PAK4: variants seen among roughly 807,000 people sequenced by gnomAD.
The protein encoded by PAK4 is serine/threonine-protein kinase PAK 4.
Under a neutral mutation model 53.5 loss-of-function variants are expected in PAK4, and 49 were observed. That is an observed-to-expected ratio of 0.92 (90% CI 0.73 to 1.16). The LOEUF (loss-of-function observed/expected upper bound fraction) is 1.16, where lower values mean the gene tolerates loss of function less well. PAK4 is among the 50% of genes most tolerant of loss of function. The pLI, the probability that PAK4 is intolerant of heterozygous loss-of-function variation, is 0.00. For missense variants in PAK4, 824 were observed against 850.7 expected (o/e 0.97, Z 0.39); for synonymous variants, 376 against 375.6 (o/e 1.00, Z -0.01).
intron 1 of PAK4, among the ~76,000 whole-genome samples, chr19:39,126,637 G>C (rs2073588585): frequency 6.6e-6 from 1 of 152,168 alleles, no homozygotes; most frequent in African/African-American, 2.4e-5. Context: ...AAGAGGTTAA[G>C]TGATTTGCAC....
intron 1 of PAK4, among the ~76,000 whole-genome samples, chr19:39,130,081 G>C (rs1327947512): frequency 6.6e-6 from 1 of 151,272 alleles, no homozygotes. Flanking sequence ...GCGAGGGTCA[G>C]GGCGGGATGT....
exon 9 of PAK4, chr19:39,179,391 A>AT (rs2074676697): frequency 6.7e-6 from 1 of 148,452 alleles, no homozygotes; most frequent in Non-Finnish European, 1.5e-5. Context: ...CAATTAAAAC[A>AT]TTGTCTTGTT....
rs190702581 is a variant in PAK4, at chr19:39,173,749, C to T, written c.837C>T (p.Ala279=). Residue 279 remains alanine, a synonymous_variant, in exon 4 of 9, where the codon GCC becomes GCT. Transcript: ENST00000358301. The surrounding 1 kb of genome is among the most constrained non-coding windows in gnomAD (Gnocchi z 6.9). ...TGGCCCCTCCAGCCTGCACCCCCGCCGCCCCTGCTGTTCCTGGGCCCCCTG... is the reference window on the plus strand; with the variant it reads ...TGGCCCCTCCAGCCTGCACCCCCGCTGCCCCTGCTGTTCCTGGGCCCCCTG... 3.4e-4 allele frequency: 545 copies of T among 1,580,682 alleles called. 2 individuals carry two copies. The African/African-American group carries it at 5.7e-3, about 17-fold the overall frequency.
At chr19:39,147,248 T>G (rs1358764630) in intron 1 of PAK4, among the ~76,000 whole-genome samples, 4 of 152,214 alleles carry the variant, frequency 2.6e-5, no homozygotes, top group Non-Finnish European at 4.4e-5. Flanking sequence ...GAATGTTATG[T>G]AAATGGAGCC....
chr19:39,138,936 C>T (rs1030071908), intron 1 of PAK4, among the ~76,000 whole-genome samples: 6 of 152,158 alleles, frequency 3.9e-5, no homozygotes, highest in Non-Finnish European at 8.8e-5. Context: ...TACCCCAGCA[C>T]CCTCCAGTGG....
At chr19:39,144,137 CAGACAGATAGAT>C (rs1418237513) in intron 1 of PAK4, among the ~76,000 whole-genome samples, 50 of 109,456 alleles carry the variant, frequency 4.6e-4, no homozygotes, top group South Asian at 1.0e-3. Context: ...GACAGACAGA[CAGACAGATAGAT>C]AGATAGATAG....
At chr19:39,151,087 G>A (rs987179921) in intron 1 of PAK4, among the ~76,000 whole-genome samples, 7 of 152,222 alleles carry the variant, frequency 4.6e-5, no homozygotes, top group Admixed American at 4.6e-4. Flanking sequence ...GGACAGAGAG[G>A]TGGGCGCGAC....
At chr19:39,170,059 G>A (rs2074450094) in intron 2 of PAK4, among the ~76,000 whole-genome samples, 1 of 152,098 alleles carries the variant, frequency 6.6e-6, no homozygotes, top group Non-Finnish European at 1.5e-5. Context: ...GGGCCATGCT[G>A]CTGTACCCCG....
intron 1 of PAK4, 23 bp from the exon 3 acceptor site, chr19:39,169,509 C>A: frequency 6.5e-7 from 1 of 1,540,668 alleles, no homozygotes; most frequent in Non-Finnish European, 9.0e-7. Context: ...CTCTCACTCA[C>A]CCACCGTGAT....
intron 1 of PAK4, among the ~76,000 whole-genome samples, chr19:39,141,126 T>G (rs565223155): frequency 2.6e-5 from 4 of 152,296 alleles, no homozygotes; most frequent in African/African-American, 9.6e-5. Context: ...AAGAATAGTC[T>G]CGCGCCCTCC....
intron 1 of PAK4, among the ~76,000 whole-genome samples, chr19:39,153,207 C>A (rs28671016): frequency 6.6e-6 from 1 of 152,144 alleles, no homozygotes; most frequent in Non-Finnish European, 1.5e-5. Flanking sequence ...CAGCCTCCCC[C>A]AACCCCCAAA....
At chr19:39,166,009 A>G (rs769280630) in intron 1 of PAK4, among the ~76,000 whole-genome samples, 16 of 152,182 alleles carry the variant, frequency 1.1e-4, no homozygotes, top group Non-Finnish European at 2.1e-4. Context: ...GAGGGCTGGT[A>G]TACAGTAGGT....
At chr19:39,145,402 A>G (rs1039094729) in intron 1 of PAK4, among the ~76,000 whole-genome samples, 3 of 152,286 alleles carry the variant, frequency 2.0e-5, no homozygotes, top group Non-Finnish European at 2.9e-5. Context: ...GGGTGGAGTA[A>G]TGAAGCTCTG....
At chr19:39,132,535 G>A (rs1042137356) in intron 1 of PAK4, among the ~76,000 whole-genome samples, 16 of 152,230 alleles carry the variant, frequency 1.1e-4, no homozygotes, top group African/African-American at 3.1e-4. Flanking sequence ...CGTGTCCCAC[G>A]CACACGCGTG....
At chr19:39,159,014 T>G (rs1044460860) in intron 1 of PAK4, among the ~76,000 whole-genome samples, 2 of 152,212 alleles carry the variant, frequency 1.3e-5, no homozygotes, top group Non-Finnish European at 2.9e-5. Flanking sequence ...CACCAGTCAC[T>G]GTTGTAAATG....
At chr19:39,162,699 C>T (rs190224887) in intron 1 of PAK4, among the ~76,000 whole-genome samples, 2 of 152,318 alleles carry the variant, frequency 1.3e-5, no homozygotes, top group East Asian at 3.9e-4. Flanking sequence ...CATTGACTGC[C>T]TCCTTCCTTC....
intron 1 of PAK4, among the ~76,000 whole-genome samples, chr19:39,144,454 C>CG (rs1269173071): frequency 2.6e-5 from 4 of 152,194 alleles, no homozygotes; most frequent in Non-Finnish European, 5.9e-5. Flanking sequence ...CCGTCCCTGC[C>CG]GGGGGGATGC....
chr19:39,132,634 G>A (rs1400937396), intron 1 of PAK4, among the ~76,000 whole-genome samples: 1 of 152,276 alleles, frequency 6.6e-6, no homozygotes, highest in Non-Finnish European at 1.5e-5. Context: ...GCCCGCCTGA[G>A]TGTGGCTGTG....
rs965447983 is a variant in PAK4 at position 39,175,707 on chromosome 19, G to A, written c.1359+269G>A. On this transcript the variant is annotated intron_variant, in intron 6 of 8. Coordinates refer to ENST00000358301, the Ensembl canonical transcript of PAK4. This position sits in a 1 kb window ranked among gnomAD's most constrained non-coding sequence, Gnocchi z 4.7. Reference sequence around the variant, plus strand: ...AGGGGCAGGGATCTGGGCAGACAGCGCAGCCCCCGCCACAGGCTTCTTCCT... The same window carrying A: ...AGGGGCAGGGATCTGGGCAGACAGCACAGCCCCCGCCACAGGCTTCTTCCT... Among the ~76,000 whole-genome samples the A allele has an allele frequency of 6.6e-6, 1 of 152,050 alleles. No homozygotes were observed. Among genetic ancestry groups the A allele is most frequent in the South Asian group, 2.1e-4 (1 of 4,830 alleles).
Sources: gnomAD v4.1 joint callset for allele counts (sites outside exome capture counted in the v4.1 genomes callset) on GRCh38, gnomAD v4.1.1 for gene constraint, Gnocchi (gnomAD v3.1) non-coding constraint, MANE v1.5 for transcripts, NCBI Gene and HGNC (gene_info 2026-07-23, HGNC 2026-07-21) for gene names.